SGCZ: variants seen among roughly 807,000 people sequenced by gnomAD.
SGCZ encodes zeta-sarcoglycan.
Under a neutral mutation model 41.3 loss-of-function variants are expected in SGCZ, and 40 were observed. That is an observed-to-expected ratio of 0.97 (90% CI 0.75 to 1.26). SGCZ has a LOEUF of 1.26. Ranked by LOEUF, SGCZ falls within the 50% of genes most tolerant of loss-of-function variation. The pLI, the probability that SGCZ is intolerant of heterozygous loss-of-function variation, is 0.00. For synonymous variants in SGCZ, 206 were observed against 137.5 expected (o/e 1.50, Z -3.49); for missense variants, 552 against 369.8 (o/e 1.49, Z -4.04).
intron 4 of SGCZ, among the ~76,000 whole-genome samples, chr8:14,195,058 A>G (rs1482451384): frequency 6.6e-6 from 1 of 152,140 alleles, no homozygotes; most frequent in Admixed American, 6.5e-5. Context: ...TGTACATCAA[A>G]TATTGAAAGA....
At chr8:15,068,988 C>G (rs567151761) in intron 1 of SGCZ, among the ~76,000 whole-genome samples, 14 of 152,234 alleles carry the variant, frequency 9.2e-5, no homozygotes, top group African/African-American at 3.1e-4. Flanking sequence ...CAGAATACAA[C>G]AAAAGCTGAT....
intron 1 of SGCZ, among the ~76,000 whole-genome samples, chr8:15,201,025 T>A (rs976414871): frequency 2.0e-5 from 3 of 152,142 alleles, no homozygotes; most frequent in East Asian, 3.9e-4. Context: ...ATCTACTTTA[T>A]CTATTTATTT....
intron 1 of SGCZ, among the ~76,000 whole-genome samples, chr8:14,990,980 C>T (rs545817104): frequency 6.6e-6 from 1 of 152,248 alleles, no homozygotes; most frequent in South Asian, 2.1e-4. Flanking sequence ...AAAAATAATT[C>T]TTTGTCCTAA....
chr8:15,195,107 T>C (rs2117119616), intron 1 of SGCZ, among the ~76,000 whole-genome samples: 1 of 152,316 alleles, frequency 6.6e-6, no homozygotes, highest in East Asian at 1.9e-4. Context: ...TTTTTTCTGA[T>C]GAACCAATAA....
At chr8:14,878,671 G>A (rs1804461282) in intron 1 of SGCZ, among the ~76,000 whole-genome samples, 1 of 152,156 alleles carries the variant, frequency 6.6e-6, no homozygotes, top group African/African-American at 2.4e-5. Flanking sequence ...TCTATAAGAG[G>A]AACAGAGCAA....
At chr8:14,514,194 T>G (rs568113995) in intron 2 of SGCZ, among the ~76,000 whole-genome samples, 73 of 152,186 alleles carry the variant, frequency 4.8e-4, no homozygotes, top group African/African-American at 1.7e-3. Flanking sequence ...TGATAACTCT[T>G]CTGGTGTAGA....
At position 14,543,454 on chromosome 8, in the gene SGCZ, G is replaced by T. The variant is rs1585064596; in HGVS notation, c.234+11278C>A. Among the ~76,000 whole-genome samples, 5 of 152,152 alleles carry T rather than the reference G, an allele frequency of 3.3e-5. No individual in the cohort carries two copies. In the South Asian group the frequency reaches 1.0e-3, roughly 32 times the overall value. ...CATGATTGGGTAAAAATGAAGTCTA[G>T]ACAGCCTCCATCATTATCCTGGAAA... On this transcript the variant is annotated intron_variant, in intron 2 of 7. Transcript: ENST00000382080.
rs114203282 is a variant in SGCZ, at chr8:14,674,754, T to A, written c.40-119828A>T. 3.7e-3 allele frequency among the ~76,000 whole-genome samples: 557 copies of A among 151,680 alleles called. 8 individuals are homozygous for A. The highest frequency in any genetic ancestry group is 0.013 in the African/African-American group (539 of 41,248). On this transcript the variant is annotated intron_variant, in intron 1 of 7. Coordinates refer to ENST00000382080, the MANE Select transcript of SGCZ (RefSeq NM_139167.4). ...GTGAGTGAGTTCTCAAGAGATCTGA[T>A]CATTTAAAAGTGTGTAGCCCCTCCC...
intron 2 of SGCZ, among the ~76,000 whole-genome samples, chr8:14,389,352 T>C (rs546840495): frequency 6.6e-6 from 1 of 151,582 alleles, no homozygotes; most frequent in Non-Finnish European, 1.5e-5. Context: ...AAAATATAAG[T>C]ACTCAGATTA....
intron 2 of SGCZ, among the ~76,000 whole-genome samples, chr8:14,466,498 T>A (rs1338863191): frequency 6.6e-6 from 1 of 151,986 alleles, no homozygotes; most frequent in African/African-American, 2.4e-5. Context: ...CTTGGATCTT[T>A]ATACTCTTGA....
At chr8:14,863,461 A>T (rs1803822183) in intron 1 of SGCZ, among the ~76,000 whole-genome samples, 1 of 152,082 alleles carries the variant, frequency 6.6e-6, no homozygotes, top group South Asian at 2.1e-4. Context: ...AGCAGCTGGG[A>T]CTACAGGTAC....
intron 3 of SGCZ, among the ~76,000 whole-genome samples, chr8:14,306,185 C>T (rs1801348050): frequency 6.6e-6 from 1 of 152,102 alleles, no homozygotes; most frequent in Non-Finnish European, 1.5e-5. Context: ...TAAACTATTT[C>T]CATAACCATC....
chr8:14,389,732 C>T (rs796728222), intron 2 of SGCZ, among the ~76,000 whole-genome samples: 3 of 151,820 alleles, frequency 2.0e-5, no homozygotes, highest in South Asian at 4.1e-4. Flanking sequence ...TGAAGAAACT[C>T]GCAAAGAGCA....
chr8:15,000,957 G>A (rs1452141006), intron 1 of SGCZ, among the ~76,000 whole-genome samples: 1 of 152,164 alleles, frequency 6.6e-6, no homozygotes, highest in Non-Finnish European at 1.5e-5. Flanking sequence ...ACAAATCCCA[G>A]AGTGTATACT....
chr8:15,120,698 C>G (rs1807446136), intron 1 of SGCZ, among the ~76,000 whole-genome samples: 1 of 152,162 alleles, frequency 6.6e-6, no homozygotes, highest in Non-Finnish European at 1.5e-5. Context: ...CCCATCGCCC[C>G]TGCTTTTGGT....
intron 1 of SGCZ, among the ~76,000 whole-genome samples, chr8:14,851,368 C>CAAAAAAAAAAAAAAAAAAAAAAAAAA (rs369090223): frequency 6.5e-5 from 4 of 61,906 alleles, no homozygotes; most frequent in African/African-American, 1.9e-4. Context: ...GACTCCATCT[C>CAAAAAAAAAAAAAAAAAAAAAAAAAA]AAAAAAAAAA....
chr8:14,600,169 A>G (rs1294559138), intron 1 of SGCZ, among the ~76,000 whole-genome samples: 1 of 152,094 alleles, frequency 6.6e-6, no homozygotes, highest in East Asian at 1.9e-4. Flanking sequence ...TCTGGGCACC[A>G]CACTCTCTTG....
chr8:14,793,739 C>T (rs574698773), intron 1 of SGCZ, among the ~76,000 whole-genome samples: 1 of 152,214 alleles, frequency 6.6e-6, no homozygotes, highest in East Asian at 1.9e-4. Flanking sequence ...CACCCACCTG[C>T]CTCACCATCC....
At chr8:14,412,116 C>T (rs1799376927) in intron 2 of SGCZ, among the ~76,000 whole-genome samples, 2 of 151,978 alleles carry the variant, frequency 1.3e-5, no homozygotes, top group African/African-American at 4.8e-5. Context: ...CAGTATGTGT[C>T]ATATGGTATT....
Sources: gnomAD v4.1 joint callset for allele counts (sites outside exome capture counted in the v4.1 genomes callset) on GRCh38, gnomAD v4.1.1 for gene constraint, MANE v1.5 for transcripts, NCBI Gene and HGNC (gene_info 2026-07-23, HGNC 2026-07-21) for gene names.